Variants in AK4 observed in about 807,000 individuals in gnomAD.
The protein encoded by AK4 is adenylate kinase 4, mitochondrial.
A neutral mutation model predicts 24.6 loss-of-function variants in AK4; 13 were observed. The ratio of observed to expected loss-of-function variants is 0.53; its 90% confidence interval spans 0.34 to 0.84. The LOEUF (loss-of-function observed/expected upper bound fraction) is 0.84. AK4 is among the 40% of genes least tolerant of loss of function. The pLI is 0.01. For synonymous variants in AK4, 88 were observed against 107.0 expected (o/e 0.82, Z 1.10); for missense variants, 192 against 288.2 (o/e 0.67, Z 2.42).
In AK4 at chr1:65,167,057, G is replaced by T. The variant is rs144530451; in HGVS notation, c.145+18505G>T. Among the ~76,000 whole-genome samples the T allele has an allele frequency of 8.5e-5, 13 of 152,280 alleles. No homozygotes were observed. In the East Asian group the frequency reaches 1.4e-3, roughly 16 times the overall value. ...TGAGGCAGGAAAATCACTTGAACCT[G>T]AAAGGCGGAAGTTGTAGTGAGCCAA... is the stretch of plus-strand genomic sequence containing the variant. On this transcript the variant is annotated intron_variant, in intron 1 of 4. Coordinates refer to ENST00000327299, the MANE Select transcript of AK4 (RefSeq NM_013410.4).
chr1:65,188,660 A>G (rs948913707), intron 1 of AK4, among the ~76,000 whole-genome samples: 3 of 150,636 alleles, frequency 2.0e-5, no homozygotes, highest in African/African-American at 7.3e-5. Flanking sequence ...TTGTATTTTT[A>G]GTAGAGACGG....
chr1:65,183,510 G>C (rs888351148), intron 1 of AK4, among the ~76,000 whole-genome samples: 1 of 152,156 alleles, frequency 6.6e-6, no homozygotes, highest in African/African-American at 2.4e-5. Context: ...CTCCCAAAGC[G>C]CTGGGATTAC....
chr1:65,160,390 G>A (rs1160146865), intron 1 of AK4, among the ~76,000 whole-genome samples: 1 of 152,156 alleles, frequency 6.6e-6, no homozygotes, highest in African/African-American at 2.4e-5. Flanking sequence ...AAGGATGGAG[G>A]AGGAAAAGGG....
chr1:65,183,650 C>CGT (rs56067788), intron 1 of AK4, among the ~76,000 whole-genome samples: 2,120 of 140,716 alleles, frequency 0.015, 36 homozygotes, highest in African/African-American at 0.039. Flanking sequence ...TATAAATATC[C>CGT]GTGTGTGTGT....
At chr1:65,152,358 C>A (rs28630472) in intron 1 of AK4, among the ~76,000 whole-genome samples, 1,868 of 29,914 alleles carry the variant, frequency 0.062, 12 homozygotes, top group Admixed American at 0.068. Flanking sequence ...CTCTCTCTCT[C>A]TCTATATATA....
At chr1:65,191,026 A>C (rs1651288924) in intron 2 of AK4, among the ~76,000 whole-genome samples, 197 bp downstream of exon 2, 2 of 152,234 alleles carry the variant, frequency 1.3e-5, no homozygotes, top group African/African-American at 4.8e-5. Flanking sequence ...GATCACCATC[A>C]TGAGAACCAC....
intron 1 of AK4, among the ~76,000 whole-genome samples, chr1:65,154,237 G>A (rs1387769928): frequency 6.6e-6 from 1 of 152,162 alleles, no homozygotes; most frequent in Non-Finnish European, 1.5e-5. Flanking sequence ...GAGCTGACTG[G>A]ATATAATGAA....
chr1:65,159,560 G>A (rs1048997514), intron 1 of AK4, among the ~76,000 whole-genome samples: 3 of 152,194 alleles, frequency 2.0e-5, no homozygotes, highest in African/African-American at 7.2e-5. Context: ...GGGAGACTGA[G>A]GTGGGAGGAT....
intron 1 of AK4, among the ~76,000 whole-genome samples, chr1:65,173,314 T>C (rs1650601700): frequency 6.6e-6 from 1 of 152,202 alleles, no homozygotes; most frequent in African/African-American, 2.4e-5. Flanking sequence ...GCACTTGGCT[T>C]GCACCACAGA....
At chr1:65,215,606 A>G (rs1652107287) in intron 2 of AK4, among the ~76,000 whole-genome samples, 1 of 152,214 alleles carries the variant, frequency 6.6e-6, no homozygotes, top group Non-Finnish European at 1.5e-5. Context: ...CTTGTAGTCT[A>G]AATCACTGGA....
intron 2 of AK4, among the ~76,000 whole-genome samples, chr1:65,207,741 G>T (rs1651854681): frequency 6.6e-6 from 1 of 152,002 alleles, no homozygotes; most frequent in African/African-American, 2.4e-5. Context: ...GCCCACCTTT[G>T]TGCCCATGTG....
At chr1:65,149,945 C>T (rs1434087806) in intron 1 of AK4, among the ~76,000 whole-genome samples, 3 of 152,082 alleles carry the variant, frequency 2.0e-5, no homozygotes, top group Non-Finnish European at 4.4e-5. Flanking sequence ...GGCTCTCATC[C>T]TAATGGTTTT....
Position 65,148,263 on chromosome 1 carries a change from T to C in AK4, c.-145T>C. On this transcript the variant is annotated 5_prime_UTR_variant, in exon 1 of 5. Transcript: ENST00000327299. ...GGGGAGGGGTTGTCTTAAAAGTCTCTCCTTCCCCCTGTAGGGGCGGCCGGC... is the reference window on the plus strand; with the variant it reads ...GGGGAGGGGTTGTCTTAAAAGTCTCCCCTTCCCCCTGTAGGGGCGGCCGGC... The C allele has an allele frequency of 7.9e-7, 1 of 1,261,394 alleles. No individual in the cohort carries two copies. Among genetic ancestry groups the C allele is most frequent in the Non-Finnish European group, 1.1e-6 (1 of 940,508 alleles). The allele number at this position is 1,261,394 out of a possible 1,614,324, so 78.1% of individuals were successfully genotyped here.
chr1:65,167,677 G>A (rs1397989978), intron 1 of AK4, among the ~76,000 whole-genome samples: 1 of 152,122 alleles, frequency 6.6e-6, no homozygotes, highest in Non-Finnish European at 1.5e-5. Flanking sequence ...TCTTAGAATT[G>A]GAAGGGATTT....
At chr1:65,215,718 C>T (rs1652109365) in intron 2 of AK4, among the ~76,000 whole-genome samples, 11 of 152,160 alleles carry the variant, frequency 7.2e-5, no homozygotes, top group Admixed American at 7.2e-4. Context: ...CTGAGTTCAG[C>T]CTATTTTGTA....
intron 1 of AK4, among the ~76,000 whole-genome samples, chr1:65,151,565 T>C (rs1649772214): frequency 6.6e-6 from 1 of 152,184 alleles, no homozygotes; most frequent in Non-Finnish European, 1.5e-5. Flanking sequence ...TTGTTCTTTC[T>C]GCCTATACCA....
In AK4 at chr1:65,231,148, A is replaced by T. The variant is rs1357118271; in HGVS notation, c.*4971A>T. 1 of 152,204 alleles carries T rather than the reference A, an allele frequency of 6.6e-6. No individual in the cohort carries two copies. Among genetic ancestry groups the T allele is most frequent in the Non-Finnish European group, 1.5e-5 (1 of 68,038 alleles). 9.4% of individuals were successfully genotyped at this position (152,204 alleles called of 1,614,324 possible). A position where few individuals can be genotyped will look rare whatever the true frequency, so the allele number is the denominator to read the frequency against. ...TGACCCAATCTGGTTTCCAAATGAGAAGTGTGCAGGCCCCAGAGGTTGAGA... is the reference window on the plus strand; with the variant it reads ...TGACCCAATCTGGTTTCCAAATGAGTAGTGTGCAGGCCCCAGAGGTTGAGA... On this transcript the variant is annotated 3_prime_UTR_variant, in exon 5 of 5. Coordinates refer to ENST00000327299, the MANE Select transcript of AK4 (RefSeq NM_013410.4).
At chr1:65,197,772 G>A (rs188391933) in intron 2 of AK4, among the ~76,000 whole-genome samples, 15 of 152,296 alleles carry the variant, frequency 9.8e-5, no homozygotes, top group South Asian at 8.3e-4. Flanking sequence ...TTTACCATAC[G>A]AGGCTAGTAC....
rs1439522295 is a variant in AK4 at position 65,148,301 on chromosome 1, G to C, written c.-107G>C. On this transcript the variant is annotated 5_prime_UTR_variant, in exon 1 of 5. Coordinates refer to ENST00000327299, the MANE Select transcript of AK4 (RefSeq NM_013410.4). Reference sequence around the variant, plus strand: ...AGGGGCGGCCGGCGAGTCCCAGTGAGAGCGGAGGGTGCCAGAGGTAGGGGG... The same window carrying C: ...AGGGGCGGCCGGCGAGTCCCAGTGACAGCGGAGGGTGCCAGAGGTAGGGGG... 3.5e-6 allele frequency: 5 copies of C among 1,433,490 alleles called. No individual in the cohort carries two copies. The highest frequency in any genetic ancestry group is 2.8e-5 in the Admixed American group (1 of 35,608). 88.8% of individuals were successfully genotyped at this position (1,433,490 alleles called of 1,614,324 possible).
Sources: allele counts gnomAD v4.1 joint callset (sites outside exome capture counted in the v4.1 genomes callset), GRCh38; gene constraint gnomAD v4.1.1; transcripts MANE v1.5; gene names NCBI Gene and HGNC (gene_info 2026-07-23, HGNC 2026-07-21).